The following IFT122 variants were observed in gnomAD, a reference collection of about 807,000 sequenced individuals.
IFT122 encodes the protein intraflagellar transport 122.
A neutral mutation model predicts 161.6 loss-of-function variants in IFT122; 118 were observed. The ratio of observed to expected loss-of-function variants is 0.73; its 90% confidence interval spans 0.63 to 0.85. The LOEUF (loss-of-function observed/expected upper bound fraction) is 0.85, where lower values mean the gene tolerates loss of function less well. Ranked by LOEUF, IFT122 falls within the 40% of genes least tolerant of loss-of-function variation. The pLI, the probability that IFT122 is intolerant of heterozygous loss-of-function variation, is 0.00. For missense variants in IFT122, 1,381 were observed against 1,579.6 expected (o/e 0.87, Z 2.13); for synonymous variants, 550 against 602.4 (o/e 0.91, Z 1.27).
intron 2 of IFT122, among the ~76,000 whole-genome samples, chr3:129,450,473 T>C (rs1437801914): frequency 6.6e-6 from 1 of 152,192 alleles, no homozygotes; most frequent in East Asian, 1.9e-4. Flanking sequence ...TTGTATGATC[T>C]CTCTTTCTGT....
intron 24 of IFT122, chr3:129,513,259 A>G (rs557690666): frequency 6.6e-6 from 1 of 152,324 alleles, no homozygotes; most frequent in South Asian, 2.1e-4. Context: ...AAGGTCTTGG[A>G]TGTCAGGAGA....
At chr3:129,456,864 C>T (rs914414988) in intron 3 of IFT122, among the ~76,000 whole-genome samples, 4 of 152,090 alleles carry the variant, frequency 2.6e-5, no homozygotes, top group Non-Finnish European at 5.9e-5. Context: ...TGCGGTGAGC[C>T]GAGATCGTGC....
chr3:129,509,554 C>T (rs968734305), intron 23 of IFT122, among the ~76,000 whole-genome samples: 3 of 152,202 alleles, frequency 2.0e-5, no homozygotes, highest in Non-Finnish European at 4.4e-5. Context: ...AAGAAAACTG[C>T]TTGAATTTGT....
chr3:129,506,469 A>G lies in IFT122; in HGVS notation c.2711A>G (p.Asn904Ser), dbSNP rs1260366368. 2 of 1,614,202 alleles carry G rather than the reference A, an allele frequency of 1.2e-6. No homozygotes were observed. The change falls in exon 22 of 30, where the codon AAT (asparagine) becomes AGT (serine). Residue 904 changes from asparagine to serine, a missense_variant. Around this residue, in one of 7 missense-constraint regions of IFT122, gnomAD observed 496 missense variants for 502.5 expected, o/e 0.99. Coordinates refer to ENST00000348417, the MANE Select transcript of IFT122 (RefSeq NM_052989.3). ...CAGGTGCTGGAGCAGCTCACAAACAATGCCGTGGCGGAGAGCAGGTTTAAT... is the reference window on the plus strand; with the variant it reads ...CAGGTGCTGGAGCAGCTCACAAACAGTGCCGTGGCGGAGAGCAGGTTTAAT... Reference protein sequence around the residue: ...AVQVLEQLTNNAVAESRFNDA... With the variant: ...AVQVLEQLTNSAVAESRFNDA...
intron 24 of IFT122, chr3:129,513,391 T>C (rs1421979212): frequency 6.6e-6 from 1 of 152,256 alleles, no homozygotes; most frequent in East Asian, 1.9e-4. Context: ...CTCCTTGTTG[T>C]AAGAATTGGC....
intron 13 of IFT122, among the ~76,000 whole-genome samples, chr3:129,480,948 G>T (rs930705835): frequency 1.3e-5 from 2 of 152,158 alleles, no homozygotes; most frequent in African/African-American, 4.8e-5. Flanking sequence ...AGCTACTCAG[G>T]AGGCTGAGAT....
chr3:129,516,988 TGCAC>T, intron 26 of IFT122, among the ~76,000 whole-genome samples: 1 of 63,160 alleles, frequency 1.6e-5, no homozygotes, highest in Admixed American at 1.8e-4. Context: ...AGACTGCCCC[TGCAC>T]ACACACACAC....
intron 5 of IFT122, chr3:129,461,545 G>GGTAACAAGATTGGGAGGGCACAGGC: frequency 1.9e-6 from 1 of 536,846 alleles, no homozygotes; most frequent in South Asian, 2.0e-5. Flanking sequence ...CAAAGGAAAT[G>GGTAACAAGATTGGGAGGGCACAGGC]GTAACAAGAT....
At chr3:129,504,065 G>A (rs1176443294) in intron 20 of IFT122, 1 of 495,022 alleles carries the variant, frequency 2.0e-6, no homozygotes, top group Non-Finnish European at 3.7e-6. Context: ...ATTCTGTGCC[G>A]CTTCTGTGGT....
chr3:129,496,203 G>A (rs895244490), intron 18 of IFT122, among the ~76,000 whole-genome samples: 2 of 151,990 alleles, frequency 1.3e-5, no homozygotes, highest in African/African-American at 2.4e-5. Context: ...GCATTGGGAC[G>A]GCCCCCATGA....
intron 18 of IFT122, 32 bp from the exon 19 acceptor site, chr3:129,499,870 C>G (rs778578197): frequency 6.2e-6 from 10 of 1,612,946 alleles, no homozygotes; most frequent in Non-Finnish European, 8.5e-6. Flanking sequence ...AAGTTCTGAT[C>G]CAGAGTGTTT....
At chr3:129,496,010 C>A (rs572487374) in intron 18 of IFT122, among the ~76,000 whole-genome samples, 1 of 152,226 alleles carries the variant, frequency 6.6e-6, no homozygotes, top group Non-Finnish European at 1.5e-5. Context: ...TCATGCAGGA[C>A]GACATGGTGC....
At chr3:129,513,618 T>TA (rs2083100235) in intron 24 of IFT122, 1 of 159,634 alleles carries the variant, frequency 6.3e-6, no homozygotes, top group African/African-American at 2.4e-5. Context: ...CCCTGAGCCT[T>TA]ACCCTGTGCC....
At chr3:129,490,970 A>G (rs2080011570) in intron 16 of IFT122, among the ~76,000 whole-genome samples, 2 of 152,082 alleles carry the variant, frequency 1.3e-5, no homozygotes, top group South Asian at 2.1e-4. Context: ...TTCTCCAGGC[A>G]TGTGGTTCGT....
intron 13 of IFT122, among the ~76,000 whole-genome samples, chr3:129,480,404 G>A (rs1159470906): frequency 6.6e-6 from 1 of 152,194 alleles, no homozygotes; most frequent in Non-Finnish European, 1.5e-5. Context: ...GGATATCCAG[G>A]TTACACAAAA....
Position 129,515,446 on chromosome 3 carries a change from G to A in IFT122, c.3154-42G>A, listed in dbSNP as rs190591240. ...CCAGAGTCCAGGGGGAGGAGGACAC[G>A]TGCCTGCCCCGGCCCCTCGGGAGTC... is the stretch of plus-strand genomic sequence containing the variant. On this transcript the variant is annotated intron_variant, in intron 25 of 29. Coordinates refer to ENST00000348417, the MANE Select transcript of IFT122 (RefSeq NM_052989.3). 18,898 of 1,162,906 alleles carry A rather than the reference G, an allele frequency of 0.016. 248 individuals carry two copies. Among genetic ancestry groups the A allele is most frequent in the Non-Finnish European group, 0.02 (15,878 of 795,484 alleles). The allele number at this position is 1,162,906 out of a possible 1,614,324, so 72.0% of individuals were successfully genotyped here. A position where few individuals can be genotyped will look rare whatever the true frequency, so the allele number is the denominator to read the frequency against.
In IFT122 at chr3:129,464,711, G is replaced by A; in HGVS notation, c.493G>A (p.Glu165Lys). 1 of 1,604,448 alleles carries A rather than the reference G, an allele frequency of 6.2e-7. No homozygotes were observed. Among genetic ancestry groups the A allele is most frequent in the Non-Finnish European group, 8.5e-7 (1 of 1,174,856 alleles). Residue 165 changes from glutamate (E) to lysine (K), a missense_variant, in exon 7 of 30, where the codon GAG becomes AAG. Physicochemically the swap from Glu to Lys is moderately conservative, Grantham distance 56. Around this residue, in one of 7 missense-constraint regions of IFT122, gnomAD observed 544 missense variants for 648.0 expected, o/e 0.84. Transcript: ENST00000348417. ...IISIRNKNGE[E>K]KVKIERPGGS... is the part of the protein sequence containing the mutation. ...CAGCATACGGAACAAAAATGGCGAG[G>A]AGAAAGTAAAGATCGAGCGGCCGGG...
intron 20 of IFT122, chr3:129,504,005 T>C (rs2081922682): frequency 2.6e-6 from 1 of 381,168 alleles, no homozygotes; most frequent in African/African-American, 2.1e-5. Context: ...AAGAAATCTG[T>C]TTGCAGCACT....
chr3:129,490,600 A>AG, intron 16 of IFT122, among the ~76,000 whole-genome samples: 1 of 152,236 alleles, frequency 6.6e-6, no homozygotes, highest in East Asian at 1.9e-4. Flanking sequence ...GACCCTTGAG[A>AG]GGGTGTCAGT....
Sources: gnomAD v4.1 joint callset for allele counts (sites outside exome capture counted in the v4.1 genomes callset) on GRCh38, gnomAD v4.1.1 for gene constraint, gnomAD v4.1.1 regional missense constraint, MANE v1.5 for transcripts, NCBI Gene and HGNC (gene_info 2026-07-23, HGNC 2026-07-21) for gene names.